ZNF727: variants seen among roughly 807,000 people sequenced by gnomAD.
The protein encoded by ZNF727 is putative zinc finger protein 727.
Under a neutral mutation model 11.5 loss-of-function variants are expected in ZNF727, and 11 were observed. The ratio of observed to expected loss-of-function variants is 0.95; its 90% CI spans 0.60 to 1.58. The LOEUF (loss-of-function observed/expected upper bound fraction) is 1.58. ZNF727 is among the 40% of genes most tolerant of loss of function. ZNF727 has a pLI of 0.00. For synonymous variants in ZNF727, 171 were observed against 196.1 expected, an observed-to-expected ratio of 0.87 and a Z score of 1.07; for missense variants, 533 against 581.7, an observed-to-expected ratio of 0.92 and a Z score of 0.86.
At position 64,078,230 on chromosome 7, in the gene ZNF727, A is replaced by G; in HGVS notation, c.1181A>G (p.Lys394Arg). ...CATAAGAGAATTCACACTGGAGAGA[A>G]ACCCTACAAATGTGAAGAATGTGGC... ...TNHKRIHTGE[K>R]PYKCEECGKS... Residue 394 changes from lysine (K) to arginine (R), a missense_variant, in exon 4 of 4, where the codon AAA becomes AGA. By Grantham distance (26) the Lys-to-Arg change is conservative. This residue lies in a region of ZNF727 where 463 missense variants were observed against 494.5 expected (regional missense o/e 0.94). Coordinates refer to ENST00000456806, the MANE Select transcript of ZNF727 (RefSeq NM_001159522.3). 6.2e-7 allele frequency: 1 copy of G among 1,606,762 alleles called. No homozygotes were observed. Among genetic ancestry groups the G allele is most frequent in the South Asian group, 1.1e-5 (1 of 90,172 alleles).
At position 64,077,895 on chromosome 7, in the gene ZNF727, A is replaced by G. The variant is rs764246241; in HGVS notation, c.846A>G (p.Lys282=). 4 of 1,582,076 alleles carry G rather than the reference A, an allele frequency of 2.5e-6. No homozygotes were observed. Among genetic ancestry groups the G allele is most frequent in the Non-Finnish European group, 3.4e-6 (4 of 1,163,546 alleles). ...ATAAGAGAATTCATACTGGAGAGAA[A>G]CCCTACAAATGTAAAGAATGTCACA... ...TKHKRIHTGE[K]PYKCKECHKA... Residue 282 remains lysine, a synonymous_variant, in exon 4 of 4, where the codon AAA becomes AAG. Coordinates refer to ENST00000456806, the MANE Select transcript of ZNF727 (RefSeq NM_001159522.3).
chr7:64,046,534 A>G (rs1182004094), intron 1 of ZNF727, among the ~76,000 whole-genome samples: 2 of 152,156 alleles, frequency 1.3e-5, no homozygotes, highest in African/African-American at 2.4e-5. Context: ...CTTATTTAAA[A>G]GTGTATAGCA....
At chr7:64,067,658 G>A (rs942689694) in intron 1 of ZNF727, among the ~76,000 whole-genome samples, 28 of 152,272 alleles carry the variant, frequency 1.8e-4, no homozygotes, top group African/African-American at 6.3e-4. Flanking sequence ...AACACCGCAT[G>A]TTCTCACTCA....
intron 1 of ZNF727, among the ~76,000 whole-genome samples, chr7:64,055,345 G>A (rs932425531): frequency 6.6e-6 from 1 of 151,666 alleles, no homozygotes; most frequent in Admixed American, 6.6e-5. Flanking sequence ...TTGAACCCAG[G>A]AGCCAGAGGT....
At chr7:64,060,058 A>G (rs773430772) in intron 1 of ZNF727, among the ~76,000 whole-genome samples, 12 of 152,140 alleles carry the variant, frequency 7.9e-5, no homozygotes, top group Non-Finnish European at 1.3e-4. Flanking sequence ...AGCCAATTTA[A>G]ATTTTCATTG....
intron 1 of ZNF727, among the ~76,000 whole-genome samples, chr7:64,052,723 G>C (rs1006357981): frequency 1.3e-4 from 20 of 152,312 alleles, no homozygotes; most frequent in African/African-American, 4.6e-4. Context: ...CAGCCAGGAG[G>C]GGGGCTATAC....
chr7:64,083,256 G>T lies in ZNF727; in HGVS notation c.*4707G>T, dbSNP rs1785821210. 6.6e-6 allele frequency among the ~76,000 whole-genome samples: 1 copy of T among 152,196 alleles called. No individual in the cohort carries two copies. The highest frequency in any genetic ancestry group is 1.5e-5 in the Non-Finnish European group (1 of 68,038). ...GATCAGCTTGGGCTCTTCAACACAT[G>T]AAGGTTGGAATGGCTAAGTTGCCCA... On this transcript the variant is annotated 3_prime_UTR_variant, in exon 4 of 4. Coordinates refer to ENST00000456806, the MANE Select transcript of ZNF727 (RefSeq NM_001159522.3).
At chr7:64,048,378 AC>A (rs1789541553) in intron 1 of ZNF727, among the ~76,000 whole-genome samples, 1 of 152,196 alleles carries the variant, frequency 6.6e-6, no homozygotes, top group Non-Finnish European at 1.5e-5. Context: ...TGGGAATGCT[AC>A]CTGGGAAAAG....
Position 64,077,839 on chromosome 7 carries a change from G to C in ZNF727, c.790G>C (p.Ala264Pro). 1 of 1,563,426 alleles carries C rather than the reference G, an allele frequency of 6.4e-7. No individual in the cohort carries two copies. Among genetic ancestry groups the C allele is most frequent in the Non-Finnish European group, 8.7e-7 (1 of 1,153,842 alleles). ...CTACAAATGCGAAGAATGTCACAAA[G>C]CCTTTAGGTGTTGCTCAGACCTTAC... ...RPYKCEECHKAFRCCSDLTKH... is the reference protein window; with the variant it reads ...RPYKCEECHKPFRCCSDLTKH... Residue 264 changes from alanine to proline, a missense_variant, in exon 4 of 4, where the codon GCC (alanine) becomes CCC (proline). Physicochemically the swap from Ala to Pro is conservative, Grantham distance 27. Coordinates refer to ENST00000456806, the MANE Select transcript of ZNF727 (RefSeq NM_001159522.3).
At chr7:64,049,966 T>C (rs1435032168) in intron 1 of ZNF727, among the ~76,000 whole-genome samples, 1 of 151,782 alleles carries the variant, frequency 6.6e-6, no homozygotes, top group Non-Finnish European at 1.5e-5. Flanking sequence ...CATGAAACAT[T>C]AGACTAATAC....
At chr7:64,059,663 C>T (rs1393104259) in intron 1 of ZNF727, among the ~76,000 whole-genome samples, 13 of 152,194 alleles carry the variant, frequency 8.5e-5, no homozygotes, top group Admixed American at 8.5e-4. Context: ...TGCCACTCCT[C>T]AGGTGCCTGA....
chr7:64,062,685 A>AATATATATATATATATATATGTATATAT (rs71057374), intron 1 of ZNF727, among the ~76,000 whole-genome samples: 1 of 89,980 alleles, frequency 1.1e-5, no homozygotes, highest in Non-Finnish European at 2.4e-5. Context: ...CTTGTACTTG[A>AATATATATATATATATATATGTATATAT]ATATATATAT....
chr7:64,051,423 C>G (rs1212847187), intron 1 of ZNF727, among the ~76,000 whole-genome samples: 1 of 152,058 alleles, frequency 6.6e-6, no homozygotes, highest in Non-Finnish European at 1.5e-5. Context: ...CCCACAAAGG[C>G]CAGACACAAG....
chr7:64,048,736 A>G (rs1043656848), intron 1 of ZNF727, among the ~76,000 whole-genome samples: 1 of 152,238 alleles, frequency 6.6e-6, no homozygotes, highest in Non-Finnish European at 1.5e-5. Context: ...CAATTTTATC[A>G]GTAATTCTTT....
chr7:64,074,397 T>G (rs1790010293), intron 3 of ZNF727, among the ~76,000 whole-genome samples: 1 of 152,296 alleles, frequency 6.6e-6, no homozygotes, highest in Admixed American at 6.5e-5. Flanking sequence ...ATATTTTTGC[T>G]GTGAGGATCT....
In ZNF727 at chr7:64,077,998, T is replaced by C. The variant is rs561150632; in HGVS notation, c.949T>C (p.Cys317Arg). 21 of 1,604,834 alleles carry C rather than the reference T, an allele frequency of 1.3e-5. No individual in the cohort carries two copies. In the East Asian group the frequency reaches 2.7e-4, roughly 21 times the overall value. ...AGAGAAACCCTACAAATGTAATGAA[T>C]GTGGAAAAGCTTTTATGTGGATCTC... ...TGEKPYKCNE[C>R]GKAFMWISAL... The change falls in exon 4 of 4, where the codon TGT becomes CGT. Residue 317 changes from cysteine (C) to arginine (R), a missense_variant. This residue lies in a region of ZNF727 where 463 missense variants were observed against 494.5 expected (regional missense o/e 0.94). Transcript: ENST00000456806.
intron 1 of ZNF727, among the ~76,000 whole-genome samples, chr7:64,050,397 T>A (rs1215895052): frequency 6.6e-6 from 1 of 152,102 alleles, no homozygotes; most frequent in Admixed American, 6.6e-5. Flanking sequence ...TTCCGGGGCT[T>A]CATGAGGAAA....
At chr7:64,059,412 G>A (rs940100277) in intron 1 of ZNF727, among the ~76,000 whole-genome samples, 4 of 152,120 alleles carry the variant, frequency 2.6e-5, no homozygotes, top group African/African-American at 9.7e-5. Flanking sequence ...AAATTTCTTT[G>A]TTTTTCGCCT....
chr7:64,057,790 T>A lies in ZNF727; in HGVS notation c.4-11101T>A, dbSNP rs561216475. ...GGTACAAAAATTCATAGTAAACACA[T>A]ACCCACAAACTATTTGAAAACATCA... is the stretch of plus-strand genomic sequence containing the variant. On this transcript the variant is annotated intron_variant, in intron 1 of 3. Coordinates refer to ENST00000456806, the MANE Select transcript of ZNF727 (RefSeq NM_001159522.3). Among the ~76,000 whole-genome samples the A allele has an allele frequency of 1.6e-3, 248 of 152,152 alleles. 1 individual carries two copies. The highest frequency in any genetic ancestry group is 3.4e-3 in the Middle Eastern group (1 of 294).
Sources: allele counts gnomAD v4.1 joint callset (sites outside exome capture counted in the v4.1 genomes callset), GRCh38; gene constraint gnomAD v4.1.1; regional missense constraint gnomAD v4.1.1; transcripts MANE v1.5; gene names NCBI Gene and HGNC (gene_info 2026-07-23, HGNC 2026-07-21).